The following CYP20A1 variants were observed in gnomAD, a reference collection of about 807,000 sequenced individuals.
CYP20A1 encodes cytochrome P450 family 20 subfamily A member 1.
CYP20A1 carries 61 observed loss-of-function variants against 61.4 expected under a neutral mutation model. The ratio of observed to expected loss-of-function variants is 0.99; its 90% confidence interval spans 0.81 to 1.23. The LOEUF (loss-of-function observed/expected upper bound fraction) is 1.23, where lower values mean the gene tolerates loss of function less well. CYP20A1 is among the 50% of genes most tolerant of loss of function. The pLI is 0.00. For missense variants in CYP20A1, 530 were observed against 542.4 expected (o/e 0.98, Z 0.23); for synonymous variants, 193 against 188.2 (o/e 1.03, Z -0.21).
intron 5 of CYP20A1, among the ~76,000 whole-genome samples, chr2:203,272,340 C>T (rs761282230): frequency 2.0e-5 from 3 of 152,000 alleles, no homozygotes; most frequent in Admixed American, 2.0e-4. Context: ...CTCAGGAGTT[C>T]AAGAACAGCC....
intron 4 of CYP20A1, among the ~76,000 whole-genome samples, chr2:203,266,103 A>G (rs917659870): frequency 2.6e-5 from 4 of 152,182 alleles, no homozygotes; most frequent in Non-Finnish European, 5.9e-5. Context: ...CTGTCACTGA[A>G]GTATGTTTAG....
rs1559107406 is a variant in CYP20A1, at chr2:203,289,777, T to C, written c.984T>C (p.His328=). ...TTTTTTAAAACAGATATTGTCAGCA[T>C]GTGCTTTGTGAAACTGTTCGAACTG... ...EKIEQLRYCQ[H]VLCETVRTAK... The change falls in exon 10 of 13, where the codon CAT becomes CAC. Residue 328 remains histidine (H), a synonymous_variant. Transcript: ENST00000356079. 1 of 1,559,518 alleles carries C rather than the reference T, an allele frequency of 6.4e-7. No individual in the cohort carries two copies. The highest frequency in any genetic ancestry group is 8.7e-7 in the Non-Finnish European group (1 of 1,152,848).
In CYP20A1 at chr2:203,302,885, G is replaced by A. The variant is rs1010945844; in HGVS notation, c.*5977G>A. 5.3e-5 allele frequency among the ~76,000 whole-genome samples: 8 copies of A among 152,178 alleles called. No individual in the cohort carries two copies. The highest frequency in any genetic ancestry group is 1.7e-4 in the African/African-American group (7 of 41,520). On this transcript the variant is annotated 3_prime_UTR_variant, in exon 13 of 13. Coordinates refer to ENST00000356079, the MANE Select transcript of CYP20A1 (RefSeq NM_177538.3). ...TTTTTGTATTTTTAGTAGAGATGGG[G>A]TTTTACCGTGTTGGTCAGGCTGGTC...
rs1311935028 is a variant in CYP20A1 at position 203,304,268 on chromosome 2, G to A, written c.*7360G>A. 6.6e-6 allele frequency among the ~76,000 whole-genome samples: 1 copy of A among 152,044 alleles called. No individual in the cohort carries two copies. Among genetic ancestry groups the A allele is most frequent in the Non-Finnish European group, 1.5e-5 (1 of 67,994 alleles). On this transcript the variant is annotated 3_prime_UTR_variant, in exon 13 of 13. Coordinates refer to ENST00000356079, the MANE Select transcript of CYP20A1 (RefSeq NM_177538.3). ...GCTTGAGTGCAGTGGCATGATCTGG[G>A]CTCACTACAACCTCCATCTCCCCAG... is the stretch of plus-strand genomic sequence containing the variant.
rs747771670 is a variant in CYP20A1 at position 203,275,629 on chromosome 2, G to A, written c.679+2881G>A. Among the ~76,000 whole-genome samples the A allele has an allele frequency of 1.9e-4, 29 of 151,900 alleles. No individual in the cohort carries two copies. The East Asian group carries it at 2.3e-3, about 12-fold the overall frequency. ...TAATTTTTATAGTTTTAGTACAGAC[G>A]GGGTTTCACCATGTTGGCCAGGCTT... On this transcript the variant is annotated intron_variant, in intron 6 of 12. Transcript: ENST00000356079.
chr2:203,251,189 A>G (rs534572559), intron 3 of CYP20A1, among the ~76,000 whole-genome samples: 17 of 150,152 alleles, frequency 1.1e-4, no homozygotes, highest in African/African-American at 4.2e-4. Context: ...ATGACAGTGT[A>G]TCTTTGTATG....
intron 4 of CYP20A1, among the ~76,000 whole-genome samples, chr2:203,252,719 C>T (rs2066738202): frequency 6.6e-6 from 1 of 152,052 alleles, no homozygotes. Flanking sequence ...ATTCCCACTA[C>T]ACCTCTGAGC....
Position 203,245,865 on chromosome 2 carries a change from G to T in CYP20A1, c.92G>T (p.Gly31Val). Residue 31 changes from glycine (G) to valine (V), a missense_variant, in exon 2 of 13, where the codon GGA becomes GTA. Physicochemically the swap from Gly to Val is moderately radical, Grantham distance 109. Coordinates refer to ENST00000356079, the MANE Select transcript of CYP20A1 (RefSeq NM_177538.3). ...TGTAAGGCTTCCAGACAAGCTGCAG[G>T]AATTCCAGGGATTACTCCAACTGAA... ...YLYPASRQAA[G>V]IPGITPTEEK... is the part of the protein sequence containing the mutation. 6.2e-7 allele frequency: 1 copy of T among 1,603,470 alleles called. No individual in the cohort carries two copies. Among genetic ancestry groups the T allele is most frequent in the Non-Finnish European group, 8.5e-7 (1 of 1,173,094 alleles).
intron 3 of CYP20A1, among the ~76,000 whole-genome samples, chr2:203,250,945 T>A (rs1300805611): frequency 6.6e-6 from 1 of 150,516 alleles, no homozygotes; most frequent in African/African-American, 2.4e-5. Context: ...GAGCCTGTAG[T>A]CCCAGCTACT....
At chr2:203,264,083 G>C (rs1290205397) in intron 4 of CYP20A1, among the ~76,000 whole-genome samples, 4 of 151,962 alleles carry the variant, frequency 2.6e-5, no homozygotes. Context: ...GCTCAGTGCA[G>C]CCTTGAACAC....
rs943651768 is a variant in CYP20A1 at position 203,299,592 on chromosome 2, T to C, written c.*2684T>C. 3.9e-5 allele frequency among the ~76,000 whole-genome samples: 6 copies of C among 152,160 alleles called. No homozygotes were observed. Among genetic ancestry groups the C allele is most frequent in the Admixed American group, 2.0e-4 (3 of 15,272 alleles). The stretch of plus-strand genomic sequence containing the variant: ...TGGAATAACTTAAATTCTAAAACTT[T>C]GGCCGGGCGTGATGGCTCATGCCTG... On this transcript the variant is annotated 3_prime_UTR_variant, in exon 13 of 13. Coordinates refer to ENST00000356079, the MANE Select transcript of CYP20A1 (RefSeq NM_177538.3).
chr2:203,299,010 G>T lies in CYP20A1; in HGVS notation c.*2102G>T, dbSNP rs567016723. ...ATGTTGTGCTAGTGCACTCCAGCCT[G>T]GGCGACAGGGCTGAGACCTTGTCTC... is the stretch of plus-strand genomic sequence containing the variant. On this transcript the variant is annotated 3_prime_UTR_variant, in exon 13 of 13. Coordinates refer to ENST00000356079, the MANE Select transcript of CYP20A1 (RefSeq NM_177538.3). Among the ~76,000 whole-genome samples the T allele has an allele frequency of 2.6e-3, 391 of 152,210 alleles. 3 individuals are homozygous for T. Among genetic ancestry groups the T allele is most frequent in the African/African-American group, 8.1e-3 (338 of 41,560 alleles).
At chr2:203,271,459 A>G (rs1026814035) in intron 5 of CYP20A1, among the ~76,000 whole-genome samples, 1 of 152,112 alleles carries the variant, frequency 6.6e-6, no homozygotes, top group Non-Finnish European at 1.5e-5. Context: ...GGACTTTAAA[A>G]AATCTATTGT....
In CYP20A1 at chr2:203,252,050, A is replaced by C. The variant is rs2066710467; in HGVS notation, c.373A>C (p.Lys125Gln). The C allele has an allele frequency of 6.2e-7, 1 of 1,611,134 alleles. No homozygotes were observed. Among genetic ancestry groups the C allele is most frequent in the African/African-American group, 1.3e-5 (1 of 74,852 alleles). Residue 125 changes from lysine to glutamine, a missense_variant, in exon 4 of 13, where the codon AAA becomes CAA. Transcript: ENST00000356079. The part of the protein sequence containing the change: ...GSVSENHMRK[K>Q]LYENGVTDSL... ...TGTGAGTGAAAACCACATGAGGAAA[A>C]AATTGTATGAAAATGGTGTGACTGA... is the stretch of plus-strand genomic sequence containing the variant.
In CYP20A1 at chr2:203,246,908, T is replaced by TC. The variant is rs2066479818; in HGVS notation, c.279dup (p.Asn94GlnfsTer2). The TC allele has an allele frequency of 6.2e-7, 1 of 1,612,650 alleles. No homozygotes were observed. The highest frequency in any genetic ancestry group is 1.7e-5 in the Admixed American group (1 of 59,538). On this transcript the variant is annotated frameshift_variant, in exon 3 of 13. Coordinates refer to ENST00000356079, the MANE Select transcript of CYP20A1 (RefSeq NM_177538.3). LOFTEE classifies it high-confidence loss of function. The stretch of plus-strand genomic sequence containing the variant: ...TTGATGTACTGAAGCAGCATATCAA[T>TC]CCCAATAAGACATGTAAGTTTAATT...
At chr2:203,244,889 C>T (rs749106066) in intron 1 of CYP20A1, among the ~76,000 whole-genome samples, 39 of 152,022 alleles carry the variant, frequency 2.6e-4, no homozygotes, top group Admixed American at 1.5e-3. Context: ...CCCGCCACAA[C>T]GCCCTGCTAA....
At chr2:203,276,019 A>G (rs897900944) in intron 6 of CYP20A1, among the ~76,000 whole-genome samples, 3 of 152,246 alleles carry the variant, frequency 2.0e-5, no homozygotes, top group African/African-American at 7.2e-5. Context: ...AGTAATTATT[A>G]GGAAAGGCCT....
intron 4 of CYP20A1, among the ~76,000 whole-genome samples, chr2:203,265,200 T>A (rs1231290456): frequency 1.3e-5 from 2 of 152,198 alleles, no homozygotes; most frequent in African/African-American, 4.8e-5. Context: ...GGCTATCCTG[T>A]GCATGGTAGG....
At position 203,300,054 on chromosome 2, in the gene CYP20A1, A is replaced by G. The variant is rs539106723; in HGVS notation, c.*3146A>G. Reference sequence around the variant, plus strand: ...ATATGTAAACCAAGTGTCAGATCAGATGAGATGAAAGAGGTGGAGTTTAAA... The same window carrying G: ...ATATGTAAACCAAGTGTCAGATCAGGTGAGATGAAAGAGGTGGAGTTTAAA... On this transcript the variant is annotated 3_prime_UTR_variant, in exon 13 of 13. Coordinates refer to ENST00000356079, the MANE Select transcript of CYP20A1 (RefSeq NM_177538.3). Among the ~76,000 whole-genome samples, 3 of 152,318 alleles carry G rather than the reference A, an allele frequency of 2.0e-5. No homozygotes were observed. In the South Asian group the frequency reaches 6.2e-4, roughly 32 times the overall value.
Sources: allele counts gnomAD v4.1 joint callset (sites outside exome capture counted in the v4.1 genomes callset), GRCh38; gene constraint gnomAD v4.1.1; transcripts MANE v1.5; gene names NCBI Gene and HGNC (gene_info 2026-07-23, HGNC 2026-07-21).